Variants in RASAL2 observed in about 807,000 individuals in gnomAD.
The protein encoded by RASAL2 is RAS protein activator like 2.
A neutral mutation model predicts 128.9 loss-of-function variants in RASAL2; 58 were observed. The observed-to-expected ratio is 0.45, with a 90% CI of 0.36 to 0.56. The LOEUF (loss-of-function observed/expected upper bound fraction) is 0.56, where lower values mean the gene tolerates loss of function less well. Among genes scored for constraint, RASAL2 ranks in the 20% least tolerant of loss-of-function variants. The probability of loss-of-function intolerance (pLI) is 0.00; values close to 1 mark genes in which losing one functional copy is unlikely to be tolerated. For synonymous variants in RASAL2, 561 were observed against 580.8 expected (o/e 0.97, Z 0.49); for missense variants, 1,360 against 1,601.6 (o/e 0.85, Z 2.57).
chr1:178,186,027 T>C (rs1007057113), intron 1 of RASAL2, among the ~76,000 whole-genome samples: 2 of 152,114 alleles, frequency 1.3e-5, no homozygotes, highest in African/African-American at 4.8e-5. Context: ...TACTTTGTTT[T>C]TTGAAAGTTT....
chr1:178,299,142 A>G (rs1480503896), intron 2 of RASAL2, among the ~76,000 whole-genome samples: 2 of 152,224 alleles, frequency 1.3e-5, no homozygotes, highest in Admixed American at 6.5e-5. Flanking sequence ...CTTTGGAAGA[A>G]AATATACCAT....
intron 1 of RASAL2, among the ~76,000 whole-genome samples, chr1:178,200,078 C>T (rs1278275328): frequency 1.3e-5 from 2 of 152,110 alleles, no homozygotes; most frequent in Non-Finnish European, 2.9e-5. Flanking sequence ...ACCTCGTGAT[C>T]GTGTGAGTTA....
intron 4 of RASAL2, among the ~76,000 whole-genome samples, chr1:178,413,207 G>A (rs1425671463): frequency 6.6e-6 from 1 of 152,124 alleles, no homozygotes; most frequent in Non-Finnish European, 1.5e-5. Context: ...TGATCCGCCT[G>A]CCTCAGCCTC....
chr1:178,224,555 T>A (rs1036587202), intron 1 of RASAL2, among the ~76,000 whole-genome samples: 5 of 152,172 alleles, frequency 3.3e-5, no homozygotes, highest in Non-Finnish European at 5.9e-5. Context: ...CTTTGTACTT[T>A]TGAAAGATGT....
chr1:178,335,857 C>G (rs1669560573), intron 3 of RASAL2, among the ~76,000 whole-genome samples: 1 of 151,800 alleles, frequency 6.6e-6, no homozygotes, highest in African/African-American at 2.4e-5. Context: ...GAACAATATG[C>G]AAGCTCCTTT....
chr1:178,247,254 G>T (rs894857871), intron 1 of RASAL2, among the ~76,000 whole-genome samples: 1 of 152,064 alleles, frequency 6.6e-6, no homozygotes, highest in African/African-American at 2.4e-5. Context: ...ACTTGTTATT[G>T]GTCTATTCAG....
chr1:178,299,774 C>T (rs549171529), intron 2 of RASAL2, among the ~76,000 whole-genome samples: 4 of 152,082 alleles, frequency 2.6e-5, no homozygotes, highest in Non-Finnish European at 2.9e-5. Context: ...GGATTACAGG[C>T]GTGAGTCACT....
At chr1:178,443,274 C>A in intron 8 of RASAL2, 45 bp downstream of exon 8, 1 of 1,479,134 alleles carries the variant, frequency 6.8e-7, no homozygotes, top group African/African-American at 1.4e-5. Context: ...CTCTTCCCTA[C>A]CTTTCATAAA....
intron 1 of RASAL2, among the ~76,000 whole-genome samples, chr1:178,224,422 T>C (rs563813492): frequency 2.0e-5 from 3 of 152,234 alleles, no homozygotes; most frequent in South Asian, 4.1e-4. Flanking sequence ...TCACTTCTGA[T>C]ACTTAGAAGA....
intron 1 of RASAL2, among the ~76,000 whole-genome samples, chr1:178,096,457 G>A (rs375818773): frequency 0.11 from 9,529 of 86,824 alleles, 372 homozygotes; most frequent in Admixed American, 0.16. Context: ...AATATATATT[G>A]TATATTTTGT....
chr1:178,245,737 T>C (rs1163684116), intron 1 of RASAL2, among the ~76,000 whole-genome samples: 1 of 152,250 alleles, frequency 6.6e-6, no homozygotes, highest in Non-Finnish European at 1.5e-5. Context: ...CTTGAGTTAA[T>C]TTTTGTGTGA....
At chr1:178,263,926 A>C (rs1557863825) in intron 1 of RASAL2, among the ~76,000 whole-genome samples, 1 of 152,192 alleles carries the variant, frequency 6.6e-6, no homozygotes, top group Non-Finnish European at 1.5e-5. Flanking sequence ...ACTCCATAGG[A>C]ATTCTAGCAG....
At chr1:178,321,937 G>T (rs1024441843) in intron 3 of RASAL2, among the ~76,000 whole-genome samples, 1 of 151,272 alleles carries the variant, frequency 6.6e-6, no homozygotes, top group Non-Finnish European at 1.5e-5. Flanking sequence ...TTGGTGAGCC[G>T]AGATCGCGCC....
intron 3 of RASAL2, among the ~76,000 whole-genome samples, chr1:178,305,302 A>C (rs1667937194): frequency 6.6e-6 from 1 of 152,198 alleles, no homozygotes; most frequent in East Asian, 1.9e-4. Context: ...AAACAATACT[A>C]AAATTTATAT....
chr1:178,404,084 G>A (rs1353262099), intron 4 of RASAL2, among the ~76,000 whole-genome samples: 1 of 151,772 alleles, frequency 6.6e-6, no homozygotes, highest in African/African-American at 2.4e-5. Flanking sequence ...AAATTAGCCG[G>A]GCATGGTGGT....
chr1:178,259,784 G>C (rs1418163406), intron 1 of RASAL2, among the ~76,000 whole-genome samples: 1 of 152,008 alleles, frequency 6.6e-6, no homozygotes, highest in Non-Finnish European at 1.5e-5. Flanking sequence ...TGCTGGTCTT[G>C]AAATACTGGG....
At chr1:178,152,923 CATT>C (rs1047159001) in intron 1 of RASAL2, among the ~76,000 whole-genome samples, 16 of 152,164 alleles carry the variant, frequency 1.1e-4, no homozygotes, top group African/African-American at 3.6e-4. Flanking sequence ...ATCTATATAT[CATT>C]ATTATATCCC....
chr1:178,448,803 A>G (rs1677189442), intron 9 of RASAL2, among the ~76,000 whole-genome samples: 1 of 152,180 alleles, frequency 6.6e-6, no homozygotes, highest in Admixed American at 6.5e-5. Context: ...ATAATTTCCA[A>G]AATGAAAAGT....
intron 15 of RASAL2, among the ~76,000 whole-genome samples, chr1:178,465,257 G>C (rs1235787847): frequency 6.6e-6 from 1 of 152,170 alleles, no homozygotes; most frequent in African/African-American, 2.4e-5. Context: ...GAACATGTAG[G>C]CCTTTGTTTA....
Sources: allele counts gnomAD v4.1 joint callset (sites outside exome capture counted in the v4.1 genomes callset), GRCh38; gene constraint gnomAD v4.1.1; transcripts MANE v1.5; gene names NCBI Gene and HGNC (gene_info 2026-07-23, HGNC 2026-07-21).